ADD2: variants seen among roughly 807,000 people sequenced by gnomAD.
The protein encoded by ADD2 is adducin 2, also known as beta-adducin.
A neutral mutation model predicts 83.0 loss-of-function variants in ADD2; 23 were observed. The observed-to-expected ratio is 0.28, with a 90% CI of 0.20 to 0.39. ADD2 has a LOEUF of 0.39. ADD2 is among the 10% of genes least tolerant of loss of function. The pLI, the probability that ADD2 is intolerant of heterozygous loss-of-function variation, is 1.00. For synonymous variants in ADD2, 375 were observed against 375.4 expected, an observed-to-expected ratio of 1.00 and a Z score of 0.01; for missense variants, 758 against 944.9, an observed-to-expected ratio of 0.80 and a Z score of 2.59.
chr2:70,726,064 G>A (rs1553378196), intron 1 of ADD2, among the ~76,000 whole-genome samples: 1 of 151,586 alleles, frequency 6.6e-6, no homozygotes, highest in African/African-American at 2.4e-5. Context: ...GCAGGCGCCT[G>A]TAGTCCCAGC....
intron 1 of ADD2, among the ~76,000 whole-genome samples, chr2:70,744,461 G>C (rs572187374): frequency 1.3e-5 from 2 of 152,280 alleles, no homozygotes; most frequent in Non-Finnish European, 2.9e-5. Context: ...GGGAGAAAAA[G>C]GGAAAATGAC....
Position 70,692,523 on chromosome 2 carries a change from C to T in ADD2, c.585G>A (p.Val195=), listed in dbSNP as rs1671098267. 1.2e-6 allele frequency: 2 copies of T among 1,611,000 alleles called. No individual in the cohort carries two copies. The highest frequency in any genetic ancestry group is 2.2e-5 in the East Asian group (1 of 44,820). Reference sequence around the variant, plus strand: ...CTGGGAAGCAGCTGCTGCCCTTCTCCACCACCTCTCCCAGAATGTTCACCT... The same window carrying T: ...CTGGGAAGCAGCTGCTGCCCTTCTCTACCACCTCTCCCAGAATGTTCACCT... ...LIKVNILGEV[V]EKGSSCFPVD... The change falls in exon 7 of 16, where the codon GTG becomes GTA. Residue 195 remains valine, a synonymous_variant. Coordinates refer to ENST00000264436, the MANE Select transcript of ADD2 (RefSeq NM_001617.4).
At chr2:70,758,547 G>A (rs1255750976) in intron 1 of ADD2, among the ~76,000 whole-genome samples, 3 of 152,112 alleles carry the variant, frequency 2.0e-5, no homozygotes, top group African/African-American at 7.2e-5. Flanking sequence ...AAGGAGCTTG[G>A]GCTTTATCCG....
In ADD2 at chr2:70,676,820, G is replaced by A. The variant is rs1355016401; in HGVS notation, c.1569C>T (p.Val523=). The A allele has an allele frequency of 1.2e-6, 2 of 1,614,220 alleles. No individual in the cohort carries two copies. Among genetic ancestry groups the A allele is most frequent in the African/African-American group, 1.3e-5 (1 of 75,064 alleles). Reference sequence around the variant, plus strand: ...CCGGGCTTCGGCTCTTCTCGGCAATGACGCTCGCCAGGAGCTGGGACTGAG... The same window carrying A: ...CCGGGCTTCGGCTCTTCTCGGCAATAACGCTCGCCAGGAGCTGGGACTGAG... ...AGPQSQLLAS[V]IAEKSRSPST... The change falls in exon 13 of 16, where the codon GTC becomes GTT. Residue 523 remains valine, a synonymous_variant. Coordinates refer to ENST00000264436, the MANE Select transcript of ADD2 (RefSeq NM_001617.4). The surrounding 1 kb of genome is among the most constrained non-coding windows in gnomAD (Gnocchi z 4.8).
intron 1 of ADD2, among the ~76,000 whole-genome samples, chr2:70,748,725 A>G (rs569523586): frequency 6.6e-6 from 1 of 152,332 alleles, no homozygotes; most frequent in African/African-American, 2.4e-5. Flanking sequence ...TTGCTTCTAC[A>G]ATGCATTTCA....
At chr2:70,746,284 A>G (rs1674190167) in intron 1 of ADD2, among the ~76,000 whole-genome samples, 1 of 152,168 alleles carries the variant, frequency 6.6e-6, no homozygotes. Flanking sequence ...TGGTGGAATT[A>G]TTTACCATGG....
chr2:70,713,707 G>C lies in ADD2; in HGVS notation c.-153-523C>G, dbSNP rs1672318617. Among the ~76,000 whole-genome samples, 2 of 152,142 alleles carry C rather than the reference G, an allele frequency of 1.3e-5. 1 individual carries two copies. Among genetic ancestry groups the C allele is most frequent in the South Asian group, 4.1e-4 (2 of 4,822 alleles). ...TGGAGAATTTCTTTGCTGAGTGCTG[G>C]CTGGCAAGGCCTCCAGGGAAAGCGG... On this transcript the variant is annotated intron_variant, in intron 1 of 15. Coordinates refer to ENST00000264436, the MANE Select transcript of ADD2 (RefSeq NM_001617.4).
chr2:70,717,311 A>C (rs1382134713), intron 1 of ADD2, among the ~76,000 whole-genome samples: 6 of 152,344 alleles, frequency 3.9e-5, no homozygotes, highest in Non-Finnish European at 7.3e-5. Flanking sequence ...ATTTCTATGG[A>C]TCGTTCCTTG....
Position 70,688,021 on chromosome 2 carries a change from C to T in ADD2, c.948+3G>A. The stretch of plus-strand genomic sequence containing the variant: ...GGCCCACTTTCCAGGAGAATTTGCT[C>T]ACCTGTATCTCACATGCAGCCTGCA... On this transcript the variant is annotated splice_donor_region_variant and intron_variant, in intron 9 of 15. Transcript: ENST00000264436. 6.2e-7 allele frequency: 1 copy of T among 1,613,758 alleles called. No individual in the cohort carries two copies. The highest frequency in any genetic ancestry group is 1.3e-5 in the African/African-American group (1 of 75,042).
chr2:70,747,067 T>G (rs1340989865), intron 1 of ADD2, among the ~76,000 whole-genome samples: 1 of 145,240 alleles, frequency 6.9e-6, no homozygotes, highest in East Asian at 2.0e-4. Flanking sequence ...TGGAGTGCAG[T>G]GGAGCTGATC....
intron 4 of ADD2, 58 bp downstream of exon 4, chr2:70,704,263 T>TGGCGCCCCCCCCCCCCCC: frequency 1.1e-6 from 1 of 913,238 alleles, no homozygotes; most frequent in Non-Finnish European, 1.7e-6. Context: ...CTCCCTCTCT[T>TGGCGCCCCCCCCCCCCCC]CCCCACCCCA....
intron 15 of ADD2, among the ~76,000 whole-genome samples, chr2:70,665,694 C>T (rs1027409560): frequency 1.3e-5 from 2 of 152,194 alleles, no homozygotes; most frequent in Non-Finnish European, 2.9e-5. Context: ...AGTGTTACTT[C>T]TTCCTTCAAG....
At chr2:70,759,496 G>C (rs528974124) in intron 1 of ADD2, among the ~76,000 whole-genome samples, 103 of 152,232 alleles carry the variant, frequency 6.8e-4, no homozygotes, top group Non-Finnish European at 1.1e-3. Context: ...TGAAGGAGGG[G>C]GTACCTGGTG....
chr2:70,709,542 T>C (rs887612362), intron 2 of ADD2, among the ~76,000 whole-genome samples: 8 of 152,192 alleles, frequency 5.3e-5, no homozygotes, highest in Non-Finnish European at 1.0e-4. Context: ...AGTAGCTGCA[T>C]GGGCTTGGGC....
At chr2:70,714,100 G>C (rs1158946367) in intron 1 of ADD2, among the ~76,000 whole-genome samples, 1 of 152,048 alleles carries the variant, frequency 6.6e-6, no homozygotes. Context: ...TACAAACTAG[G>C]GTGAGTTACT....
chr2:70,675,668 C>T, intron 13 of ADD2: 2 of 985,438 alleles, frequency 2.0e-6, no homozygotes, highest in African/African-American at 3.5e-5. Flanking sequence ...GGAGGTGAGC[C>T]TGGAGGCTGC....
intron 1 of ADD2, among the ~76,000 whole-genome samples, chr2:70,756,269 T>A (rs1250140457): frequency 3.9e-5 from 6 of 152,102 alleles, no homozygotes; most frequent in African/African-American, 1.4e-4. Context: ...TTGGATTTAT[T>A]AGCTTCAATC....
At chr2:70,727,349 C>T (rs1297200487) in intron 1 of ADD2, among the ~76,000 whole-genome samples, 1 of 152,092 alleles carries the variant, frequency 6.6e-6, no homozygotes, top group Non-Finnish European at 1.5e-5. Flanking sequence ...GCAGAACTTT[C>T]CCCTTCCTCA....
At chr2:70,723,390 G>C (rs569410414) in intron 1 of ADD2, among the ~76,000 whole-genome samples, 2 of 120,168 alleles carry the variant, frequency 1.7e-5, no homozygotes, top group Non-Finnish European at 3.3e-5. Context: ...TACAACAATT[G>C]AATTTTTTTT....
Sources: allele counts gnomAD v4.1 joint callset (sites outside exome capture counted in the v4.1 genomes callset), GRCh38; gene constraint gnomAD v4.1.1; non-coding constraint Gnocchi (gnomAD v3.1); transcripts MANE v1.5; gene names NCBI Gene and HGNC (gene_info 2026-07-23, HGNC 2026-07-21).